Variants in ATP8A1 observed in about 807,000 individuals in gnomAD.
ATP8A1 encodes phospholipid-transporting ATPase IA.
Under a neutral mutation model 177.7 loss-of-function variants are expected in ATP8A1, and 90 were observed. The ratio of observed to expected loss-of-function variants is 0.51; its 90% CI spans 0.43 to 0.60. ATP8A1 has a LOEUF of 0.60. Ranked by LOEUF, ATP8A1 falls within the 20% of genes least tolerant of loss-of-function variation. The pLI, the probability that ATP8A1 is intolerant of heterozygous loss-of-function variation, is 0.00. For synonymous variants in ATP8A1, 493 were observed against 485.9 expected, an observed-to-expected ratio of 1.01 and a Z score of -0.19; for missense variants, 1,072 against 1,392.8, an observed-to-expected ratio of 0.77 and a Z score of 3.67.
rs181582699 is a variant in ATP8A1 at position 42,588,161 on chromosome 4, T to C, written c.594+99A>G. On this transcript the variant is annotated intron_variant, in intron 8 of 36. Coordinates refer to ENST00000381668, the MANE Select transcript of ATP8A1 (RefSeq NM_006095.2). ...TGGTTCCATGGGAACATATTTGCAA[T>C]AGGACAGATTAGTTCAAGACAATAA... 6.5e-3 allele frequency: 6,148 copies of C among 950,634 alleles called. 25 individuals are homozygous for C. The highest frequency in any genetic ancestry group is 0.012 in the Middle Eastern group (54 of 4,466). 58.9% of individuals were successfully genotyped at this position (950,634 alleles called of 1,614,324 possible).
intron 15 of ATP8A1, among the ~76,000 whole-genome samples, chr4:42,566,437 G>A (rs774384351): frequency 2.6e-5 from 4 of 152,148 alleles, no homozygotes; most frequent in Non-Finnish European, 5.9e-5. Context: ...TGGAGCACAG[G>A]ATTCAACTGG....
chr4:42,436,576 G>A (rs1292169898), intron 33 of ATP8A1, among the ~76,000 whole-genome samples: 2 of 152,218 alleles, frequency 1.3e-5, no homozygotes, highest in Non-Finnish European at 2.9e-5. Context: ...AGGTCTACCT[G>A]TTTCATTTAC....
intron 35 of ATP8A1, chr4:42,415,015 G>A: frequency 3.0e-6 from 1 of 328,672 alleles, no homozygotes; most frequent in Non-Finnish European, 5.7e-6. Context: ...TGGCAACACA[G>A]AGCCAGTATA....
intron 4 of ATP8A1, 39 bp from the exon 5 acceptor site, chr4:42,616,117 G>A: frequency 6.4e-7 from 1 of 1,569,656 alleles, no homozygotes; most frequent in Non-Finnish European, 8.7e-7. Flanking sequence ...GTGAAAATGT[G>A]AATAAGATTA....
intron 9 of ATP8A1, among the ~76,000 whole-genome samples, chr4:42,583,758 AATCT>A (rs1257605878): frequency 1.2e-4 from 19 of 152,218 alleles, no homozygotes; most frequent in African/African-American, 4.1e-4. Context: ...AGGTCTTGAA[AATCT>A]ATCTTTCACA....
chr4:42,581,673 T>C lies in ATP8A1; in HGVS notation c.782A>G (p.Gln261Arg). The change falls in exon 10 of 37, where the codon CAG becomes CGG. Residue 261 changes from glutamine to arginine, a missense_variant. By Grantham distance (43) the Gln-to-Arg change is conservative. Coordinates refer to ENST00000381668, the MANE Select transcript of ATP8A1 (RefSeq NM_006095.2). ...GTAGACAACTATTCCATGAACCCAC[T>C]GTGTATTTCTCAACTGAGCTCCTCG... ...LLRGAQLRNT[Q>R]WVHGIVVYTG... 1 of 1,614,200 alleles carries C rather than the reference T, an allele frequency of 6.2e-7. No individual in the cohort carries two copies. The highest frequency in any genetic ancestry group is 1.1e-5 in the South Asian group (1 of 91,082).
intron 6 of ATP8A1, among the ~76,000 whole-genome samples, chr4:42,593,346 T>C (rs1734382345): frequency 6.6e-6 from 1 of 152,096 alleles, no homozygotes; most frequent in Admixed American, 6.6e-5. Context: ...TTTGAAAACA[T>C]CTATATTATT....
intron 6 of ATP8A1, among the ~76,000 whole-genome samples, chr4:42,598,594 A>G (rs1734945239): frequency 6.6e-6 from 1 of 152,190 alleles, no homozygotes; most frequent in South Asian, 2.1e-4. Context: ...ATAATTTGGA[A>G]CAAGTGATAT....
At chr4:42,503,385 A>G in intron 24 of ATP8A1, 65 bp downstream of exon 24, 1 of 945,174 alleles carries the variant, frequency 1.1e-6, no homozygotes, top group Non-Finnish European at 1.6e-6. Flanking sequence ...TAGCTATCTG[A>G]ATATAAAATA....
intron 22 of ATP8A1, among the ~76,000 whole-genome samples, chr4:42,507,780 TAAAAAAAAAAAAA>T: frequency 2.8e-4 from 5 of 17,700 alleles, no homozygotes; most frequent in East Asian, 3.4e-3. Context: ...ACAGGCATTC[TAAAAAAAAAAAAA>T]AAAAAAAAAA....
intron 25 of ATP8A1, among the ~76,000 whole-genome samples, chr4:42,471,216 C>T (rs1398204294): frequency 6.6e-6 from 1 of 152,154 alleles, no homozygotes; most frequent in Non-Finnish European, 1.5e-5. Context: ...AAACATTCAA[C>T]CACTTCTTAC....
chr4:42,559,856 T>C (rs1293224237), intron 15 of ATP8A1, among the ~76,000 whole-genome samples: 1 of 152,040 alleles, frequency 6.6e-6, no homozygotes, highest in Non-Finnish European at 1.5e-5. Context: ...CAGGCATGTG[T>C]CATCACTCTT....
intron 32 of ATP8A1, 128 bp downstream of exon 32, chr4:42,444,450 T>A (rs151013785): frequency 3.5e-6 from 3 of 862,172 alleles, no homozygotes; most frequent in Middle Eastern, 2.2e-4. Flanking sequence ...CACCCCACAA[T>A]TGAAAACCTG....
intron 5 of ATP8A1, 88 bp from the exon 6 acceptor site, chr4:42,600,606 TTCAG>T: frequency 7.9e-7 from 1 of 1,268,896 alleles, no homozygotes; most frequent in Non-Finnish European, 1.1e-6. Context: ...AACGAATAGC[TTCAG>T]TCAAAATAAC....
intron 24 of ATP8A1, among the ~76,000 whole-genome samples, chr4:42,493,417 C>T (rs1221551411): frequency 6.6e-6 from 1 of 152,154 alleles, no homozygotes; most frequent in African/African-American, 2.4e-5. Flanking sequence ...ATAGTTTCAA[C>T]CACTTACTTA....
At chr4:42,414,826 GA>G (rs1451878367) in intron 35 of ATP8A1, 108 bp from the exon 36 acceptor site, 6 of 781,772 alleles carry the variant, frequency 7.7e-6, no homozygotes, top group Non-Finnish European at 1.3e-5. Context: ...GATTGCTCGA[GA>G]AATCCGTAGC....
chr4:42,619,159 C>T (rs1737204970), intron 4 of ATP8A1, among the ~76,000 whole-genome samples: 1 of 151,988 alleles, frequency 6.6e-6, no homozygotes, highest in African/African-American at 2.4e-5. Flanking sequence ...AAGCCATTCT[C>T]ACCAGTATGA....
At chr4:42,558,109 C>G (rs1730438816) in intron 15 of ATP8A1, among the ~76,000 whole-genome samples, 1 of 152,126 alleles carries the variant, frequency 6.6e-6, no homozygotes, top group Non-Finnish European at 1.5e-5. Flanking sequence ...TCTAATCAGA[C>G]AGCCTGGGTT....
At chr4:42,507,757 T>TAAAAAA (rs1724542751) in intron 22 of ATP8A1, among the ~76,000 whole-genome samples, 1 of 7,438 alleles carries the variant, frequency 1.3e-4, no homozygotes, top group Non-Finnish European at 2.6e-4. Context: ...AAAAAAAAAG[T>TAAAAAA]CAGTTAAAAA....
Sources: allele counts gnomAD v4.1 joint callset (sites outside exome capture counted in the v4.1 genomes callset), GRCh38; gene constraint gnomAD v4.1.1; transcripts MANE v1.5; gene names NCBI Gene and HGNC (gene_info 2026-07-23, HGNC 2026-07-21).